SPAG6: variants seen among roughly 807,000 people sequenced by gnomAD.
SPAG6 encodes the protein sperm associated antigen 6, also known as sperm-associated antigen 6.
Under a neutral mutation model 58.5 loss-of-function variants are expected in SPAG6, and 49 were observed. The ratio of observed to expected loss-of-function variants is 0.84; its 90% confidence interval spans 0.67 to 1.06. The LOEUF (loss-of-function observed/expected upper bound fraction) is 1.06. Among genes scored for constraint, SPAG6 ranks in the 50% least tolerant of loss-of-function variants. The pLI is 0.00. For missense variants in SPAG6, 560 were observed against 611.3 expected, an observed-to-expected ratio of 0.92 and a Z score of 0.89; for synonymous variants, 233 against 225.6, an observed-to-expected ratio of 1.03 and a Z score of -0.29.
chr10:22,381,944 C>T (rs1833966767), intron 4 of SPAG6, among the ~76,000 whole-genome samples: 1 of 152,188 alleles, frequency 6.6e-6, no homozygotes, highest in African/African-American at 2.4e-5. Flanking sequence ...CAACACTTCT[C>T]ATGCCTGTTA....
chr10:22,411,659 A>AC (rs1834738330), intron 10 of SPAG6: 2 of 152,308 alleles, frequency 1.3e-5, no homozygotes, highest in African/African-American at 2.4e-5. Flanking sequence ...ATTTACAGGT[A>AC]CTTCAGAGTA....
chr10:22,403,094 C>A (rs986913420), intron 9 of SPAG6, among the ~76,000 whole-genome samples: 1 of 151,964 alleles, frequency 6.6e-6, no homozygotes, highest in Non-Finnish European at 1.5e-5. Context: ...GTATCATATA[C>A]ACTTATAAAT....
chr10:22,348,975 G>A lies in SPAG6; in HGVS notation c.121+3157G>A, dbSNP rs149798924. Among the ~76,000 whole-genome samples, 697 of 152,104 alleles carry A rather than the reference G, an allele frequency of 4.6e-3. 5 individuals carry two copies. The highest frequency in any genetic ancestry group is 0.016 in the African/African-American group (679 of 41,466). ...AGCCTCCTGAGTAGCTGGGATTATA[G>A]GTGCGTACCACCACACCTGGCTAAT... is the stretch of plus-strand genomic sequence containing the variant. On this transcript the variant is annotated intron_variant, in intron 2 of 10. Coordinates refer to ENST00000376624, the MANE Select transcript of SPAG6 (RefSeq NM_012443.4).
chr10:22,384,918 T>C (rs1309491402), intron 4 of SPAG6, among the ~76,000 whole-genome samples: 3 of 152,208 alleles, frequency 2.0e-5, no homozygotes, highest in African/African-American at 7.2e-5. Flanking sequence ...AAAAAGCATC[T>C]TGAGTTTTTG....
In SPAG6 at chr10:22,411,840, C is replaced by CTTTTTTTTTT. The variant is rs546172800; in HGVS notation, c.1460+681_1460+690dup. 4.4e-3 allele frequency among the ~76,000 whole-genome samples: 293 copies of CTTTTTTTTTT among 66,786 alleles called. 33 individuals are homozygous for CTTTTTTTTTT. Among genetic ancestry groups the CTTTTTTTTTT allele is most frequent in the African/African-American group, 0.016 (282 of 17,140 alleles). The allele number at this position is 66,786 out of a possible 152,430, so 43.8% of individuals were successfully genotyped here. A position where few individuals can be genotyped will look rare whatever the true frequency, so the allele number is the denominator to read the frequency against. ...AAGAGAATGATTTAAACAACTGAAT[C>CTTTTTTTTTT]TTTTTTTTTTTTTTTTTTTTTTTTT... On this transcript the variant is annotated intron_variant, in intron 10 of 10. Coordinates refer to ENST00000376624, the MANE Select transcript of SPAG6 (RefSeq NM_012443.4).
chr10:22,346,475 C>CT (rs1284173782), intron 2 of SPAG6, among the ~76,000 whole-genome samples: 1 of 141,432 alleles, frequency 7.1e-6, no homozygotes. Context: ...TCTTCTTCTT[C>CT]TTCTTCTTCT....
At chr10:22,373,483 C>G (rs7075793) in intron 4 of SPAG6, among the ~76,000 whole-genome samples, 5,613 of 152,162 alleles carry the variant, frequency 0.037, 373 homozygotes, top group African/African-American at 0.13. Flanking sequence ...GGTGAGAACA[C>G]AAAATATAGT....
chr10:22,346,113 T>C (rs1238488682), intron 2 of SPAG6: 3 of 1,434,334 alleles, frequency 2.1e-6, no homozygotes, highest in South Asian at 1.3e-5. Context: ...AATGGGACTC[T>C]ACCCTAATGA....
chr10:22,412,576 A>G (rs1834767313), intron 10 of SPAG6: 4 of 927,092 alleles, frequency 4.3e-6, no homozygotes, highest in Non-Finnish European at 6.5e-6. Context: ...GATATATCAT[A>G]ACATGTATAA....
At chr10:22,407,739 A>G (rs987994322) in intron 9 of SPAG6, among the ~76,000 whole-genome samples, 4 of 152,134 alleles carry the variant, frequency 2.6e-5, no homozygotes, top group Non-Finnish European at 2.9e-5. Flanking sequence ...ATGTTTTCCA[A>G]CTTGGTTCCA....
intron 4 of SPAG6, among the ~76,000 whole-genome samples, chr10:22,371,003 A>G (rs1833671722): frequency 6.6e-6 from 1 of 152,168 alleles, no homozygotes; most frequent in Non-Finnish European, 1.5e-5. Flanking sequence ...TCTGGGGCAA[A>G]ATGATTATAG....
chr10:22,394,028 C>G (rs1341014225), intron 8 of SPAG6, among the ~76,000 whole-genome samples: 1 of 152,176 alleles, frequency 6.6e-6, no homozygotes, highest in Admixed American at 6.6e-5. Context: ...TTTGGAATTT[C>G]TCTCATGTTT....
intron 3 of SPAG6, among the ~76,000 whole-genome samples, chr10:22,367,163 T>C (rs1236386942): frequency 6.6e-6 from 1 of 152,094 alleles, no homozygotes; most frequent in African/African-American, 2.4e-5. Flanking sequence ...CCATAAATGT[T>C]CTGTAAATTT....
chr10:22,410,177 C>T (rs765643790), intron 9 of SPAG6, among the ~76,000 whole-genome samples: 1 of 152,146 alleles, frequency 6.6e-6, no homozygotes, highest in Non-Finnish European at 1.5e-5. Flanking sequence ...GTCTCTCTAA[C>T]ATTTCAGTCC....
At chr10:22,359,830 T>C (rs770419605) in intron 2 of SPAG6, among the ~76,000 whole-genome samples, 8 of 152,120 alleles carry the variant, frequency 5.3e-5, no homozygotes, top group Non-Finnish European at 1.2e-4. Flanking sequence ...TTAACTTTTA[T>C]TTTGAGTTCA....
chr10:22,351,154 A>T (rs1836716977), intron 2 of SPAG6, among the ~76,000 whole-genome samples: 1 of 152,172 alleles, frequency 6.6e-6, no homozygotes, highest in Non-Finnish European at 1.5e-5. Flanking sequence ...GTGGCTTTGG[A>T]GGTCTCTTTG....
chr10:22,407,085 T>G (rs1312627622), intron 9 of SPAG6, among the ~76,000 whole-genome samples: 1 of 152,024 alleles, frequency 6.6e-6, no homozygotes, highest in Non-Finnish European at 1.5e-5. Context: ...TCTTGACTCT[T>G]TATCCAATTT....
intron 9 of SPAG6, among the ~76,000 whole-genome samples, chr10:22,406,756 T>G (rs2130631930): frequency 6.6e-6 from 1 of 152,288 alleles, no homozygotes; most frequent in South Asian, 2.1e-4. Context: ...CTCCCATTAT[T>G]ATTGTGTGGG....
chr10:22,349,186 G>A (rs1446231128), intron 2 of SPAG6, among the ~76,000 whole-genome samples: 1 of 151,834 alleles, frequency 6.6e-6, no homozygotes, highest in Non-Finnish European at 1.5e-5. Context: ...TTACTAGAAA[G>A]AACGGTGTAC....
Sources: gnomAD v4.1 joint callset for allele counts (sites outside exome capture counted in the v4.1 genomes callset) on GRCh38, gnomAD v4.1.1 for gene constraint, MANE v1.5 for transcripts, NCBI Gene and HGNC (gene_info 2026-07-23, HGNC 2026-07-21) for gene names.